Variants in ANKRD30BL observed in about 807,000 individuals in gnomAD.
ANKRD30BL encodes the protein ankyrin repeat domain 30B like.
A neutral mutation model predicts 18.4 loss-of-function variants in ANKRD30BL; 20 were observed. The observed-to-expected ratio is 1.09, with a 90% CI of 0.77 to 1.58. ANKRD30BL has a LOEUF of 1.58. Among genes scored for constraint, ANKRD30BL ranks in the 40% most tolerant of loss-of-function variants. The pLI is 0.00. For synonymous variants in ANKRD30BL, 72 were observed against 100.9 expected (o/e 0.71, Z 1.72); for missense variants, 224 against 268.6 (o/e 0.83, Z 1.16).
chr2:132,241,758 T>A (rs138155538), intron 1 of ANKRD30BL, among the ~76,000 whole-genome samples: 1 of 150,732 alleles, frequency 6.6e-6, no homozygotes, highest in African/African-American at 2.4e-5. Flanking sequence ...AGAGTTGAAT[T>A]TTTCTTTTGA....
chr2:132,217,690 T>A (rs186519659), intron 1 of ANKRD30BL, among the ~76,000 whole-genome samples: 3 of 152,392 alleles, frequency 2.0e-5, no homozygotes, highest in Admixed American at 2.0e-4. Context: ...TTTCTTTTTA[T>A]AGAGCAGTTT....
At position 132,175,342 on chromosome 2, in the gene ANKRD30BL, C is replaced by A. The variant is rs184211213; in HGVS notation, n.442-18196G>T. ...GGGAGGTACTATGCCTGGATGTGCA[C>A]GTAGGCCAGATTTATGTTTCTCTCT... On this transcript the variant is annotated intron_variant and non_coding_transcript_variant, in intron 1 of 4. Coordinates refer to the ANKRD30BL transcript ENST00000470729. 4.6e-4 allele frequency among the ~76,000 whole-genome samples: 70 copies of A among 152,188 alleles called. 1 individual carries two copies. Among genetic ancestry groups the A allele is most frequent in the Middle Eastern group, 6.8e-3 (2 of 294 alleles).
At chr2:132,198,342 T>G (rs867880092) in intron 1 of ANKRD30BL, among the ~76,000 whole-genome samples, 1,586 of 112,604 alleles carry the variant, frequency 0.014, 86 homozygotes, top group African/African-American at 0.072. Context: ...TTTTTTTTTT[T>G]AGACAGAGTC....
intron 5 of ANKRD30BL, among the ~76,000 whole-genome samples, chr2:132,150,275 TTA>T (rs1422055429): frequency 8.0e-6 from 1 of 125,388 alleles, no homozygotes; most frequent in African/African-American, 4.5e-5. Flanking sequence ...AATAAACATT[TTA>T]TATGTTTATG....
At chr2:132,164,622 G>T (rs184938862), upstream of ANKRD30BL, among the ~76,000 whole-genome samples, 120 of 152,038 alleles carry the variant, frequency 7.9e-4, 2 homozygotes, top group African/African-American at 2.6e-3. Flanking sequence ...ATGTCAGCAC[G>T]TTTTTCCCAC....
At chr2:132,149,898 C>G (rs1333712286) in intron 5 of ANKRD30BL, among the ~76,000 whole-genome samples, 1 of 152,122 alleles carries the variant, frequency 6.6e-6, no homozygotes, top group Non-Finnish European at 1.5e-5. Flanking sequence ...TTTTCTCCAG[C>G]TCACTTTATT....
At chr2:132,216,656 C>A (rs140719561) in intron 1 of ANKRD30BL, among the ~76,000 whole-genome samples, 6 of 150,206 alleles carry the variant, frequency 4.0e-5, no homozygotes, top group East Asian at 2.0e-4. Context: ...GCATGTGGAC[C>A]TTTGGAGCGC....
At chr2:132,250,077 G>T (rs891472805) in intron 1 of ANKRD30BL, among the ~76,000 whole-genome samples, 15 of 151,694 alleles carry the variant, frequency 9.9e-5, no homozygotes, top group African/African-American at 3.6e-4. Context: ...TCAATCAAAA[G>T]AATGGTTTAA....
intron 1 of ANKRD30BL, among the ~76,000 whole-genome samples, chr2:132,183,226 G>A (rs965460641): frequency 7.3e-5 from 11 of 151,146 alleles, no homozygotes; most frequent in Non-Finnish European, 1.3e-4. Context: ...TTACCTCCCA[G>A]GTTCAAGTGA....
At chr2:132,239,607 G>A (rs973769202) in intron 1 of ANKRD30BL, among the ~76,000 whole-genome samples, 1 of 151,794 alleles carries the variant, frequency 6.6e-6, no homozygotes, top group African/African-American at 2.4e-5. Flanking sequence ...TATGTGGATA[G>A]CTTTGAGAAT....
In ANKRD30BL at chr2:132,224,811, T is replaced by A. The variant is rs556605293; in HGVS notation, n.441+32718A>T. Reference sequence around the variant, plus strand: ...GAGGCATTCGATGGAAATGGGAATATCTTCACATAATCACTAGACAAGGGT... The same window carrying A: ...GAGGCATTCGATGGAAATGGGAATAACTTCACATAATCACTAGACAAGGGT... On this transcript the variant is annotated intron_variant and non_coding_transcript_variant, in intron 1 of 4. Transcript: ENST00000470729. Among the ~76,000 whole-genome samples the A allele has an allele frequency of 3.8e-3, 583 of 152,224 alleles. 6 individuals are homozygous for A. The highest frequency in any genetic ancestry group is 0.027 in the South Asian group (130 of 4,832).
chr2:132,212,153 A>AT (rs370768432), intron 1 of ANKRD30BL, among the ~76,000 whole-genome samples: 9,683 of 149,400 alleles, frequency 0.065, 980 homozygotes, highest in African/African-American at 0.22. Flanking sequence ...AGTGTTGAAC[A>AT]TTTTTTTTTT....
upstream of ANKRD30BL, among the ~76,000 whole-genome samples, chr2:132,163,205 CT>C (rs1284211176): frequency 6.6e-6 from 1 of 152,146 alleles, no homozygotes; most frequent in Non-Finnish European, 1.5e-5. Context: ...ACTTACAGCA[CT>C]TTGGGAGACC....
At chr2:132,170,321 GA>G (rs1688255458) in intron 1 of ANKRD30BL, among the ~76,000 whole-genome samples, 1 of 151,916 alleles carries the variant, frequency 6.6e-6, no homozygotes, top group African/African-American at 2.4e-5. Flanking sequence ...GGGCAAAAGG[GA>G]AAAAAAGGGA....
At chr2:132,239,915 C>T (rs1401611499) in intron 1 of ANKRD30BL, among the ~76,000 whole-genome samples, 1 of 149,474 alleles carries the variant, frequency 6.7e-6, no homozygotes, top group East Asian at 2.0e-4. Context: ...TTGAAACACT[C>T]TTTTTGTAGA....
chr2:132,233,188 C>G (rs1680067773), intron 1 of ANKRD30BL, among the ~76,000 whole-genome samples: 1 of 151,790 alleles, frequency 6.6e-6, no homozygotes. Context: ...GAAGGAAGCA[C>G]TAAACATGGA....
At chr2:132,214,886 T>C (rs1449620817) in intron 1 of ANKRD30BL, among the ~76,000 whole-genome samples, 1 of 152,032 alleles carries the variant, frequency 6.6e-6, no homozygotes, top group Non-Finnish European at 1.5e-5. Flanking sequence ...TTCTTTGTGA[T>C]GTGTGCATTC....
chr2:132,209,700 C>T (rs199666231), intron 1 of ANKRD30BL, among the ~76,000 whole-genome samples: 1 of 151,564 alleles, frequency 6.6e-6, no homozygotes, highest in South Asian at 2.1e-4. Context: ...ATAAAAACTA[C>T]ACAGAAGCGT....
chr2:132,257,643 C>T (rs375798512), exon 1 of ANKRD30BL: 1 of 164,626 alleles, frequency 6.1e-6, no homozygotes, highest in Admixed American at 6.3e-5. Context: ...AGGCACACCT[C>T]TCAGATCGCT....
Sources: allele counts gnomAD v4.1 joint callset (sites outside exome capture counted in the v4.1 genomes callset), GRCh38; gene constraint gnomAD v4.1.1; transcripts MANE v1.5; gene names NCBI Gene and HGNC (gene_info 2026-07-23, HGNC 2026-07-21).